The following PZP variants were observed in gnomAD, a reference collection of about 807,000 sequenced individuals.
PZP encodes the protein PZP alpha-2-macroglobulin like, also known as pregnancy zone protein.
Under a neutral mutation model 179.8 loss-of-function variants are expected in PZP, and 150 were observed. The observed-to-expected ratio is 0.83, with a 90% CI of 0.73 to 0.96. The LOEUF is 0.96. PZP is among the 40% of genes least tolerant of loss of function. The probability of loss-of-function intolerance (pLI) is 0.00; values close to 1 mark genes in which losing one functional copy is unlikely to be tolerated. For missense variants in PZP, 1,689 were observed against 1,764.0 expected (o/e 0.96, Z 0.76); for synonymous variants, 624 against 652.3 (o/e 0.96, Z 0.66).
chr12:9,160,988 TGGC>T lies in PZP; in HGVS notation c.2872+42_2872+44del, dbSNP rs757406345. 6.4e-6 allele frequency: 9 copies of T among 1,399,596 alleles called. No homozygotes were observed. The Admixed American group carries it at 1.5e-4, about 23-fold the overall frequency. The allele number at this position is 1,399,596 out of a possible 1,614,324, so 86.7% of individuals were successfully genotyped here. A position where few individuals can be genotyped will look rare whatever the true frequency, so the allele number is the denominator to read the frequency against. On this transcript the variant is annotated intron_variant, in intron 23 of 35. Coordinates refer to ENST00000261336, the MANE Select transcript of PZP (RefSeq NM_002864.3). ...ACAAATACGTAGATAAGATGTACAG[TGGC>T]AACTCTTTTGGCCCAGGTTTACTAA...
Position 9,166,060 on chromosome 12 carries a change from C to G in PZP, c.2250G>C (p.Val750=). The part of the protein sequence containing the change: ...YFPETWIWEL[V]AVNSSGVAEV... ...AAAGTAAAGTTACTTACTTCACTGC[C>G]ACCAACTCCCAGATCCAAGTCTCAG... is the stretch of plus-strand genomic sequence containing the variant. Residue 750 remains valine, a synonymous_variant, in exon 18 of 36, where the codon GTG becomes GTC. Coordinates refer to ENST00000261336, the MANE Select transcript of PZP (RefSeq NM_002864.3). 1.2e-6 allele frequency: 2 copies of G among 1,606,078 alleles called. No individual in the cohort carries two copies. The highest frequency in any genetic ancestry group is 1.7e-4 in the Middle Eastern group (1 of 6,042).
intron 31 of PZP, 45 bp downstream of exon 31, chr12:9,152,779 G>C: frequency 6.3e-7 from 1 of 1,583,700 alleles, no homozygotes; most frequent in Non-Finnish European, 8.6e-7. Context: ...TTAATTCCAA[G>C]TTGCTTTTGG....
Position 9,194,201 on chromosome 12 carries a change from T to C in PZP, c.1130A>G (p.Asn377Ser), listed in dbSNP as rs958085631. The C allele has an allele frequency of 9.9e-6, 16 of 1,614,066 alleles. No individual in the cohort carries two copies. The highest frequency in any genetic ancestry group is 3.3e-4 in the Middle Eastern group (2 of 6,060). The change falls in exon 11 of 36, where the codon AAT becomes AGT. Residue 377 changes from asparagine (N) to serine (S), a missense_variant. By Grantham distance (46) the Asn-to-Ser change is conservative. Around this residue, in one of 3 missense-constraint regions of PZP, gnomAD observed 742 missense variants for 730.5 expected, o/e 1.02. Coordinates refer to ENST00000261336, the MANE Select transcript of PZP (RefSeq NM_002864.3). ...ATTCACAGAGATGAAGAAGAGTTTA[T>C]TGGGGATGGGCACACCTTTTCCATC... ...LVDGKGVPIP[N>S]KLFFISVNDA...
At chr12:9,202,439 G>T in intron 3 of PZP, 68 bp from the exon 4 acceptor site, 5 of 1,612,318 alleles carry the variant, frequency 3.1e-6, no homozygotes, top group Non-Finnish European at 4.2e-6. Flanking sequence ...TAAGACAGGA[G>T]GCTACGGGGC....
chr12:9,157,199 G>A lies in PZP; in HGVS notation c.3526C>T (p.Leu1176Phe). ...CCTTCTTTCACAGCTTCCTTATCAA[G>A]TGAGTTCAGTATTTCTCTATTCTGA... ...QNQNREILNS[L>F]DKEAVKEDNL... The change falls in exon 28 of 36, where the codon CTT becomes TTT. Residue 1176 changes from leucine to phenylalanine, a missense_variant. Leu to Phe is a conservative substitution (Grantham distance 22). This residue lies in a region of PZP where 746 missense variants were observed against 749.2 expected (regional missense o/e 1.00). Transcript: ENST00000261336. 1.2e-6 allele frequency: 2 copies of A among 1,613,854 alleles called. No individual in the cohort carries two copies. The highest frequency in any genetic ancestry group is 1.7e-6 in the Non-Finnish European group (2 of 1,179,852).
rs1565632580 is a variant in PZP, at chr12:9,164,252, A to G, written c.2495T>C (p.Val832Ala). 1 of 1,613,028 alleles carries G rather than the reference A, an allele frequency of 6.2e-7. No homozygotes were observed. The highest frequency in any genetic ancestry group is 8.5e-7 in the Non-Finnish European group (1 of 1,179,316). The change falls in exon 20 of 36, where the codon GTG (valine) becomes GCG (alanine). Residue 832 changes from valine (V) to alanine (A), a missense_variant. Val to Ala is a moderately conservative substitution (Grantham distance 64, BLOSUM62 0). Around this residue, in one of 3 missense-constraint regions of PZP, gnomAD observed 201 missense variants for 284.2 expected, o/e 0.71. Transcript: ENST00000261336. The stretch of plus-strand genomic sequence containing the variant: ...GAAGGCTGGAGAGGCTTTCAGCTGC[A>G]CACTGACCTATCACCCCATGTGAGG... Reference protein sequence around the residue: ...NYLPKCIRVSVQLKASPAFLA... With the variant: ...NYLPKCIRVSAQLKASPAFLA...
chr12:9,163,882 G>T lies in PZP; in HGVS notation c.2615-93C>A, dbSNP rs188904879. On this transcript the variant is annotated intron_variant, in intron 20 of 35. Transcript: ENST00000261336. ...CTTAAACTTATAGTTGTCCAGAATAGAAAATAAGGCTAAAAAAAAAGAAAC... is the reference window on the plus strand; with the variant it reads ...CTTAAACTTATAGTTGTCCAGAATATAAAATAAGGCTAAAAAAAAAGAAAC... 8.6e-4 allele frequency: 1,223 copies of T among 1,428,410 alleles called. 1 individual carries two copies. Among genetic ancestry groups the T allele is most frequent in the South Asian group, 1.5e-3 (107 of 70,372 alleles). The allele number at this position is 1,428,410 out of a possible 1,614,324, so 88.5% of individuals were successfully genotyped here. A position where few individuals can be genotyped will look rare whatever the true frequency, so the allele number is the denominator to read the frequency against.
intron 7 of PZP, among the ~76,000 whole-genome samples, chr12:9,198,233 C>T (rs1943948730): frequency 6.6e-6 from 1 of 151,518 alleles, no homozygotes; most frequent in South Asian, 2.1e-4. Flanking sequence ...CACCTGTAGT[C>T]CTAGCTACTT....
At chr12:9,171,005 G>A (rs1436397121) in intron 15 of PZP, among the ~76,000 whole-genome samples, 3 of 152,178 alleles carry the variant, frequency 2.0e-5, no homozygotes, top group Admixed American at 6.5e-5. Context: ...AAGCAGCCAG[G>A]CTGCTTCTTT....
chr12:9,196,670 A>G lies in PZP; in HGVS notation c.883T>C (p.Cys295Arg), dbSNP rs758393751. Residue 295 changes from cysteine to arginine, a missense_variant, in exon 9 of 36, where the codon TGC (cysteine) becomes CGC (arginine). Coordinates refer to ENST00000261336, the MANE Select transcript of PZP (RefSeq NM_002864.3). ...TTGGTGTGTACTTGTTGGGTGATGC[A>G]GCCATTGCTGTTAAGCTGAGAAAAA... is the stretch of plus-strand genomic sequence containing the variant. ...EFSQQLNSNG[C>R]ITQQVHTKML... 6.2e-7 allele frequency: 1 copy of G among 1,610,608 alleles called. No homozygotes were observed.
Position 9,149,546 on chromosome 12 carries a change from G to A in PZP, c.4426+15C>T, listed in dbSNP as rs2120480821. The A allele has an allele frequency of 6.2e-7, 1 of 1,609,856 alleles. No individual in the cohort carries two copies. The highest frequency in any genetic ancestry group is 8.5e-7 in the Non-Finnish European group (1 of 1,176,962). ...TAATGCCATCTAGTACTGGTCATAA[G>A]TGGTGAACTCTTACCTGTGCTGCAG... On this transcript the variant is annotated intron_variant, in intron 35 of 35. Coordinates refer to ENST00000261336, the MANE Select transcript of PZP (RefSeq NM_002864.3).
chr12:9,183,171 A>T (rs1028093105), intron 13 of PZP, among the ~76,000 whole-genome samples: 1 of 152,234 alleles, frequency 6.6e-6, no homozygotes, highest in Non-Finnish European at 1.5e-5. Flanking sequence ...TTTACAAAGT[A>T]TAATATCAGG....
rs191726907 is a variant in PZP at position 9,170,927 on chromosome 12, C to G, written c.1840-1336G>C. Among the ~76,000 whole-genome samples the G allele has an allele frequency of 4.6e-5, 7 of 152,286 alleles. No homozygotes were observed. Among genetic ancestry groups the G allele is most frequent in the Admixed American group, 4.6e-4 (7 of 15,296 alleles). On this transcript the variant is annotated intron_variant, in intron 15 of 35. Transcript: ENST00000261336. The surrounding 1 kb of genome is among the most constrained non-coding windows in gnomAD (Gnocchi z 4.6). ...TGACTCTGCCACTCCAACCTGCTGG[C>G]TTTGGAGAATACAGGTGATCCAGGT...
intron 19 of PZP, among the ~76,000 whole-genome samples, 183 bp downstream of exon 19, chr12:9,164,956 A>G (rs1481797746): frequency 1.3e-5 from 2 of 152,214 alleles, no homozygotes; most frequent in African/African-American, 4.8e-5. Flanking sequence ...TTAAGCACCC[A>G]TAGCACATAT....
At chr12:9,173,098 G>A (rs987433617) in intron 15 of PZP, among the ~76,000 whole-genome samples, 1 of 152,182 alleles carries the variant, frequency 6.6e-6, no homozygotes, top group Non-Finnish European at 1.5e-5. Context: ...CTCAGCAAAT[G>A]CACAAGAACT....
intron 28 of PZP, among the ~76,000 whole-genome samples, chr12:9,156,901 ATTATTTATCTAT>A (rs1740020454): frequency 6.6e-6 from 1 of 151,824 alleles, no homozygotes; most frequent in Admixed American, 6.6e-5. Context: ...AAAAACTTTT[ATTATTTATCTAT>A]TTATTTATTT....
Position 9,200,976 on chromosome 12 carries a change from C to T in PZP, c.586G>A (p.Glu196Lys). 6.2e-7 allele frequency: 1 copy of T among 1,614,088 alleles called. No individual in the cohort carries two copies. The highest frequency in any genetic ancestry group is 8.5e-7 in the Non-Finnish European group (1 of 1,179,982). Residue 196 changes from glutamate (E) to lysine (K), a missense_variant, in exon 6 of 36, where the codon GAG becomes AAG. By Grantham distance (56) the Glu-to-Lys change is moderately conservative. Around this residue, in one of 3 missense-constraint regions of PZP, gnomAD observed 742 missense variants for 730.5 expected, o/e 1.02. Transcript: ENST00000261336. ...ACCCTGTAGGAGCCCTGAATGGGCT[C>T]TGATGAGAGGGGAAAGGACAACTGA... is the stretch of plus-strand genomic sequence containing the variant. The part of the protein sequence containing the change: ...INQLSFPLSS[E>K]PIQGSYRVVV...
chr12:9,146,429 A>G (rs1230365334), downstream of PZP, among the ~76,000 whole-genome samples: 1 of 151,970 alleles, frequency 6.6e-6, no homozygotes, highest in East Asian at 1.9e-4. Flanking sequence ...TGTTCTTTTG[A>G]CTTCAGTGAG....
intron 15 of PZP, among the ~76,000 whole-genome samples, chr12:9,178,486 C>T (rs1430815198): frequency 6.6e-6 from 1 of 152,130 alleles, no homozygotes; most frequent in Non-Finnish European, 1.5e-5. Flanking sequence ...CCGTAAAGTG[C>T]TTCCTTTAGG....
Sources: gnomAD v4.1 joint callset for allele counts (sites outside exome capture counted in the v4.1 genomes callset) on GRCh38, gnomAD v4.1.1 for gene constraint, gnomAD v4.1.1 regional missense constraint, Gnocchi (gnomAD v3.1) non-coding constraint, MANE v1.5 for transcripts, NCBI Gene and HGNC (gene_info 2026-07-23, HGNC 2026-07-21) for gene names.